The following SCGB2B2 variants were observed in gnomAD, a reference collection of about 807,000 sequenced individuals.
SCGB2B2 encodes the protein secretoglobin family 2B member 2.
Under a neutral mutation model 7.6 loss-of-function variants are expected in SCGB2B2, and 11 were observed. The observed-to-expected ratio is 1.45, with a 90% CI of 0.91 to 2.40. The LOEUF (loss-of-function observed/expected upper bound fraction) is 2.40. SCGB2B2 is among the 30% of genes most tolerant of loss of function. The pLI, the probability that SCGB2B2 is intolerant of heterozygous loss-of-function variation, is 0.00. For synonymous variants in SCGB2B2, 50 were observed against 48.6 expected (o/e 1.03, Z -0.12); for missense variants, 104 against 115.4 (o/e 0.90, Z 0.45).
rs184571188 is a variant in SCGB2B2 at position 34,620,562 on chromosome 19, T to G, written c.-2031-23968A>C. On this transcript the variant is annotated intron_variant, in intron 1 of 3. Coordinates refer to ENST00000601241, the MANE Select transcript of SCGB2B2 (RefSeq NM_001025591.4). ...GGATTGCATTAGGAGATATACCTAA[T>G]GTAAATGACAAGTTAATGGGTGCAG... Among the ~76,000 whole-genome samples the G allele has an allele frequency of 9.8e-4, 149 of 151,648 alleles. 1 individual carries two copies. In the East Asian group the frequency reaches 0.019, roughly 19 times the overall value.
chr19:34,623,392 C>T (rs1054667216), intron 1 of SCGB2B2, among the ~76,000 whole-genome samples: 6 of 152,280 alleles, frequency 3.9e-5, no homozygotes, highest in Middle Eastern at 6.8e-3. Context: ...ATACCTTAGT[C>T]CACTTCCTCC....
In SCGB2B2 at chr19:34,632,524, G is replaced by A. The variant is rs1309072856; in HGVS notation, c.-2031-35930C>T. 3.3e-5 allele frequency among the ~76,000 whole-genome samples: 5 copies of A among 152,322 alleles called. No individual in the cohort carries two copies. In the East Asian group the frequency reaches 9.6e-4, roughly 29 times the overall value. On this transcript the variant is annotated intron_variant, in intron 1 of 3. Coordinates refer to ENST00000601241, the MANE Select transcript of SCGB2B2 (RefSeq NM_001025591.4). The stretch of plus-strand genomic sequence containing the variant: ...AATTGTAAACATTAGTCATTAGGGG[G>A]ATACAAAGTAAAATCACAGAGAAAT...
chr19:34,593,346 GT>G lies in SCGB2B2; in HGVS notation c.*208del. ...GGCATGTCTATGCTACACCTGTAGA[GT>G]TTTTCCTCAGTCGCATATTTTCACA... On this transcript the variant is annotated 3_prime_UTR_variant, in exon 4 of 4. Coordinates refer to ENST00000601241, the MANE Select transcript of SCGB2B2 (RefSeq NM_001025591.4). The G allele has an allele frequency of 1.9e-6, 1 of 540,334 alleles. No individual in the cohort carries two copies. The highest frequency in any genetic ancestry group is 3.3e-6 in the Non-Finnish European group (1 of 301,210). 33.5% of individuals were successfully genotyped at this position (540,334 alleles called of 1,614,324 possible).
intron 1 of SCGB2B2, among the ~76,000 whole-genome samples, chr19:34,647,926 AG>A (rs2146055518): frequency 6.6e-6 from 1 of 152,306 alleles, no homozygotes; most frequent in Admixed American, 6.5e-5. Context: ...CACCAGGTGA[AG>A]GTCTGGGGCA....
At chr19:34,636,351 A>G (rs981813334) in intron 1 of SCGB2B2, among the ~76,000 whole-genome samples, 2 of 152,100 alleles carry the variant, frequency 1.3e-5, no homozygotes, top group Non-Finnish European at 2.9e-5. Flanking sequence ...TACAATGGGG[A>G]GGTCTAGGGA....
At chr19:34,669,927 A>G (rs78909343) in intron 1 of SCGB2B2, among the ~76,000 whole-genome samples, 2,488 of 152,314 alleles carry the variant, frequency 0.016, 42 homozygotes, top group South Asian at 0.084. Context: ...CACAGCCTTT[A>G]TTGGGGTTCC....
At chr19:34,626,548 A>C (rs1401963451) in intron 1 of SCGB2B2, among the ~76,000 whole-genome samples, 6 of 152,208 alleles carry the variant, frequency 3.9e-5, no homozygotes, top group Admixed American at 2.6e-4. Context: ...TGAGAAGAGA[A>C]GTTTAGAGAA....
chr19:34,631,170 C>G (rs546930828), intron 1 of SCGB2B2, among the ~76,000 whole-genome samples: 18 of 151,610 alleles, frequency 1.2e-4, no homozygotes, highest in Non-Finnish European at 2.2e-4. Context: ...TGTTAAATGA[C>G]GAGTTAACGG....
chr19:34,608,637 T>G (rs1259410303), intron 1 of SCGB2B2: 1 of 115,560 alleles, frequency 8.7e-6, no homozygotes, highest in Non-Finnish European at 1.8e-5. Context: ...ATTTTATAAT[T>G]TTTTATGGCT....
At chr19:34,622,487 A>G (rs2066267206) in intron 1 of SCGB2B2, among the ~76,000 whole-genome samples, 1 of 152,174 alleles carries the variant, frequency 6.6e-6, no homozygotes, top group African/African-American at 2.4e-5. Flanking sequence ...ATGTTTAAGC[A>G]TTTTGGGAAG....
At chr19:34,659,268 C>T (rs994022198) in intron 1 of SCGB2B2, among the ~76,000 whole-genome samples, 1 of 152,082 alleles carries the variant, frequency 6.6e-6, no homozygotes, top group Non-Finnish European at 1.5e-5. Flanking sequence ...CTATTCAACA[C>T]AGTGTTGGAA....
intron 1 of SCGB2B2, chr19:34,637,856 T>G (rs1420830430): frequency 6.6e-6 from 1 of 152,206 alleles, no homozygotes; most frequent in African/African-American, 2.4e-5. Context: ...TTCTCTCAAT[T>G]GCCAACTTCA....
intron 1 of SCGB2B2, among the ~76,000 whole-genome samples, chr19:34,615,977 T>C (rs1006513791): frequency 6.6e-6 from 1 of 151,852 alleles, no homozygotes; most frequent in Admixed American, 6.6e-5. Context: ...CTGAGAATGA[T>C]GATTTCCAAT....
chr19:34,597,191 A>G (rs2065481890), intron 1 of SCGB2B2, among the ~76,000 whole-genome samples: 1 of 151,998 alleles, frequency 6.6e-6, no homozygotes, highest in Non-Finnish European at 1.5e-5. Context: ...GTGCCATGAG[A>G]GGAAGTTCCT....
At chr19:34,657,112 C>T (rs1287020095) in intron 1 of SCGB2B2, among the ~76,000 whole-genome samples, 1 of 151,226 alleles carries the variant, frequency 6.6e-6, no homozygotes, top group Non-Finnish European at 1.5e-5. Context: ...TTATACTTTT[C>T]TATATGGCAG....
chr19:34,670,718 G>A (rs933605852), intron 1 of SCGB2B2, among the ~76,000 whole-genome samples: 1 of 152,186 alleles, frequency 6.6e-6, no homozygotes, highest in East Asian at 1.9e-4. Context: ...TCGCATAGCA[G>A]AAATGTTTAC....
chr19:34,645,915 T>C, intron 1 of SCGB2B2: 1 of 259,312 alleles, frequency 3.9e-6, no homozygotes, highest in South Asian at 4.2e-5. Flanking sequence ...CTATAAGTTG[T>C]TTGGGAGAGT....
intron 1 of SCGB2B2, chr19:34,632,878 T>TA (rs1454578121): frequency 1.3e-5 from 2 of 152,352 alleles, no homozygotes; most frequent in African/African-American, 2.4e-5. Flanking sequence ...CCAACCAGTC[T>TA]AGAGTCTACA....
intron 1 of SCGB2B2, among the ~76,000 whole-genome samples, chr19:34,597,808 A>G (rs1013321782): frequency 4.6e-5 from 7 of 152,204 alleles, no homozygotes; most frequent in Non-Finnish European, 7.3e-5. Flanking sequence ...CAGGCATCCC[A>G]TGCTGCAGCC....
Sources: gnomAD v4.1 joint callset for allele counts (sites outside exome capture counted in the v4.1 genomes callset) on GRCh38, gnomAD v4.1.1 for gene constraint, MANE v1.5 for transcripts, NCBI Gene and HGNC (gene_info 2026-07-23, HGNC 2026-07-21) for gene names.